ESRRB: variants seen among roughly 807,000 people sequenced by gnomAD.
ESRRB encodes estrogen related receptor beta.
A neutral mutation model predicts 46.0 loss-of-function variants in ESRRB; 16 were observed. The ratio of observed to expected loss-of-function variants is 0.35; its 90% CI spans 0.24 to 0.53. ESRRB has a LOEUF of 0.53. Ranked by LOEUF, ESRRB falls within the 20% of genes least tolerant of loss-of-function variation. ESRRB has a pLI of 0.93. For synonymous variants in ESRRB, 246 were observed against 259.6 expected (o/e 0.95, Z 0.50); for missense variants, 488 against 607.4 (o/e 0.80, Z 2.07).
In ESRRB at chr14:76,500,397, C is replaced by T; in HGVS notation, c.*1939C>T. The T allele has an allele frequency of 1.7e-6, 1 of 586,760 alleles. No homozygotes were observed. The highest frequency in any genetic ancestry group is 2.8e-5 in the East Asian group (1 of 35,628). The allele number at this position is 586,760 out of a possible 1,614,324, so 36.3% of individuals were successfully genotyped here. A position where few individuals can be genotyped will look rare whatever the true frequency, so the allele number is the denominator to read the frequency against. Reference sequence around the variant, plus strand: ...TAGCCCTCCATGCAGCCCATCTTCCCTCATTTGGGTGGAGGCACACATTTG... The same window carrying T: ...TAGCCCTCCATGCAGCCCATCTTCCTTCATTTGGGTGGAGGCACACATTTG... On this transcript the variant is annotated 3_prime_UTR_variant, in exon 7 of 7. Coordinates refer to ENST00000644823, the MANE Select transcript of ESRRB (RefSeq NM_001379180.1).
At chr14:76,433,160 A>C (rs894792849) in intron 1 of ESRRB, among the ~76,000 whole-genome samples, 14 of 152,114 alleles carry the variant, frequency 9.2e-5, no homozygotes, top group Non-Finnish European at 1.9e-4. Flanking sequence ...TCTTCAAAAT[A>C]TGACGTCAGT....
rs867521375 is a variant in ESRRB, at chr14:76,449,811, A to G, written c.460+10061A>G. The stretch of plus-strand genomic sequence containing the variant: ...GGGACAGGGTCTTGCTCTGTTGCCC[A>G]GGCTCAGTGCAGAGACATGATCATG... On this transcript the variant is annotated intron_variant, in intron 2 of 6. Coordinates refer to ENST00000644823, the MANE Select transcript of ESRRB (RefSeq NM_001379180.1). Among the ~76,000 whole-genome samples, 10 of 134,714 alleles carry G rather than the reference A, an allele frequency of 7.4e-5. No individual in the cohort carries two copies. The South Asian group carries it at 1.1e-3, about 15-fold the overall frequency. 88.4% of individuals were successfully genotyped at this position (134,714 alleles called of 152,430 possible). A position where few individuals can be genotyped will look rare whatever the true frequency, so the allele number is the denominator to read the frequency against.
rs75406202 is a variant in ESRRB at position 76,453,491 on chromosome 14, G to A, written c.461-9054G>A. Among the ~76,000 whole-genome samples the A allele has an allele frequency of 1.4e-3, 213 of 152,178 alleles. 1 individual carries two copies. In the East Asian group the frequency reaches 0.035, roughly 25 times the overall value. On this transcript the variant is annotated intron_variant, in intron 2 of 6. Transcript: ENST00000644823. The stretch of plus-strand genomic sequence containing the variant: ...ATGACTGATCAAAAATGATTCAGAA[G>A]AGTTTGAGATGTTTTAGCAATATTT...
chr14:76,405,276 C>G (rs77934830), intron 1 of ESRRB, among the ~76,000 whole-genome samples: 10,933 of 151,934 alleles, frequency 0.072, 549 homozygotes, highest in Middle Eastern at 0.14. Flanking sequence ...CCACTACACC[C>G]GGCTAATTTT....
chr14:76,405,508 G>A (rs561109781), intron 1 of ESRRB, among the ~76,000 whole-genome samples: 1 of 152,140 alleles, frequency 6.6e-6, no homozygotes, highest in Non-Finnish European at 1.5e-5. Flanking sequence ...AGTGTGGGTG[G>A]TTTATCTTGG....
chr14:76,347,368 G>A (rs1043431158), intron 1 of ESRRB, among the ~76,000 whole-genome samples: 1 of 152,092 alleles, frequency 6.6e-6, no homozygotes, highest in Admixed American at 6.5e-5. Context: ...TGTTCCCTGA[G>A]TCTTAGTTTC....
Position 76,499,146 on chromosome 14 carries a change from T to TC in ESRRB, c.*690dup, listed in dbSNP as rs1890561485. The TC allele has an allele frequency of 6.7e-6, 2 of 298,882 alleles. No individual in the cohort carries two copies. The highest frequency in any genetic ancestry group is 1.3e-5 in the Non-Finnish European group (2 of 154,134). The allele number at this position is 298,882 out of a possible 1,614,324, so 18.5% of individuals were successfully genotyped here. On this transcript the variant is annotated 3_prime_UTR_variant, in exon 7 of 7. Coordinates refer to ENST00000644823, the MANE Select transcript of ESRRB (RefSeq NM_001379180.1). ...GTGTCCACCTGTCCTCCTCCTCTTC[T>TC]CCTCCCCCCGGGAGTCCCCCGCTAC...
intron 3 of ESRRB, among the ~76,000 whole-genome samples, chr14:76,464,288 C>T (rs1889013607): frequency 6.6e-6 from 1 of 152,230 alleles, no homozygotes; most frequent in Non-Finnish European, 1.5e-5. Flanking sequence ...CCAGCCCAGC[C>T]TTGGGAGCCC....
chr14:76,485,204 C>T (rs1889958828), intron 5 of ESRRB, among the ~76,000 whole-genome samples: 1 of 148,750 alleles, frequency 6.7e-6, no homozygotes, highest in African/African-American at 2.5e-5. Flanking sequence ...TAAACTCATA[C>T]TAAGGGCAAT....
intron 1 of ESRRB, among the ~76,000 whole-genome samples, chr14:76,336,726 G>A (rs1884130848): frequency 6.6e-6 from 1 of 152,158 alleles, no homozygotes; most frequent in East Asian, 1.9e-4. Context: ...TCTGCCTGGG[G>A]GGCGATACCC....
rs1392165302 is a variant in ESRRB at position 76,498,346 on chromosome 14, C to T, written c.1253C>T (p.Pro418Leu). Residue 418 changes from proline (P) to leucine (L), a missense_variant, in exon 7 of 7, where the codon CCG becomes CTG. Physicochemically the swap from Pro to Leu is moderately conservative, Grantham distance 98. Coordinates refer to ENST00000644823, the MANE Select transcript of ESRRB (RefSeq NM_001379180.1). ...ACGGGCAAGCTGCTGCTGACACTGC[C>T]GCTGCTGCGGCAGACGGCCGCCAAG... The part of the protein sequence containing the change: ...WRTGKLLLTL[P>L]LLRQTAAKAV... 1 of 1,611,332 alleles carries T rather than the reference C, an allele frequency of 6.2e-7. No individual in the cohort carries two copies. The highest frequency in any genetic ancestry group is 8.5e-7 in the Non-Finnish European group (1 of 1,179,184).
At chr14:76,486,258 A>G (rs1890013599) in intron 5 of ESRRB, among the ~76,000 whole-genome samples, 2 of 152,136 alleles carry the variant, frequency 1.3e-5, no homozygotes, top group Admixed American at 1.3e-4. Context: ...CGGCAGCCTC[A>G]TGCCTGTGCC....
rs34441473 is a variant in ESRRB, at chr14:76,427,335, C to CTG, written c.51-11982_51-11981dup. On this transcript the variant is annotated intron_variant, in intron 1 of 6. Transcript: ENST00000644823. Reference sequence around the variant, plus strand: ...AAGAATATGGCAATTTCTGCAGGAGCTGTGTGTGTGTGTGTGTGTGTGTGT... The same window carrying CTG: ...AAGAATATGGCAATTTCTGCAGGAGCTGTGTGTGTGTGTGTGTGTGTGTGTGT... 6.4e-3 allele frequency among the ~76,000 whole-genome samples: 959 copies of CTG among 148,974 alleles called. 7 individuals are homozygous for CTG. Among genetic ancestry groups the CTG allele is most frequent in the East Asian group, 0.012 (62 of 5,080 alleles).
At position 76,463,445 on chromosome 14, in the gene ESRRB, G is replaced by GTTTTGTTTTTTTTTTT. The variant is rs1555342250; in HGVS notation, c.577+788_577+789insGTTTTTTTTTTTTTTT. 3.1e-3 allele frequency: 350 copies of GTTTTGTTTTTTTTTTT among 114,610 alleles called. 16 individuals are homozygous for GTTTTGTTTTTTTTTTT. Among genetic ancestry groups the GTTTTGTTTTTTTTTTT allele is most frequent in the African/African-American group, 0.012 (328 of 27,196 alleles). 7.1% of individuals were successfully genotyped at this position (114,610 alleles called of 1,614,324 possible). The stretch of plus-strand genomic sequence containing the variant: ...TGAAATTAGCATCACATGCTTCTTT[G>GTTTTGTTTTTTTTTTT]TTTTTTTTTTTTTTTTTTGGAGACG... On this transcript the variant is annotated intron_variant, in intron 3 of 6. Coordinates refer to ENST00000644823, the MANE Select transcript of ESRRB (RefSeq NM_001379180.1).
At chr14:76,384,370 T>C (rs964110240) in intron 1 of ESRRB, among the ~76,000 whole-genome samples, 1 of 152,190 alleles carries the variant, frequency 6.6e-6, no homozygotes, top group Non-Finnish European at 1.5e-5. Context: ...CGTAACCATT[T>C]TTCTCATAGT....
At chr14:76,496,273 G>A (rs529435008) in intron 6 of ESRRB, among the ~76,000 whole-genome samples, 1 of 152,330 alleles carries the variant, frequency 6.6e-6, no homozygotes, top group East Asian at 1.9e-4. Context: ...GGATGTGGCA[G>A]AAAGAGCCAG....
chr14:76,472,424 G>A (rs1030605175), intron 3 of ESRRB, among the ~76,000 whole-genome samples: 8 of 152,208 alleles, frequency 5.3e-5, no homozygotes, highest in Non-Finnish European at 8.8e-5. Context: ...AGCCCACAGA[G>A]CAGCTGGCAA....
At chr14:76,471,581 G>A (rs138900655) in intron 3 of ESRRB, among the ~76,000 whole-genome samples, 1 of 152,144 alleles carries the variant, frequency 6.6e-6, no homozygotes, top group Non-Finnish European at 1.5e-5. Context: ...TCCCATCTTA[G>A]GACTTTCAGG....
At chr14:76,410,570 G>A (rs573329429) in intron 1 of ESRRB, among the ~76,000 whole-genome samples, 44 of 152,294 alleles carry the variant, frequency 2.9e-4, no homozygotes, top group Non-Finnish European at 2.5e-4. Context: ...TACAGATGGA[G>A]AATGGAGGCA....
Sources: gnomAD v4.1 joint callset for allele counts (sites outside exome capture counted in the v4.1 genomes callset) on GRCh38, gnomAD v4.1.1 for gene constraint, MANE v1.5 for transcripts, NCBI Gene and HGNC (gene_info 2026-07-23, HGNC 2026-07-21) for gene names.